Variants in ERBB4 observed in about 807,000 individuals in gnomAD.
The protein encoded by ERBB4 is receptor tyrosine-protein kinase erbB-4.
Under a neutral mutation model 158.0 loss-of-function variants are expected in ERBB4, and 42 were observed. That is an observed-to-expected ratio of 0.27 (90% CI 0.21 to 0.34). The LOEUF is 0.34. ERBB4 is among the 10% of genes least tolerant of loss of function. ERBB4 has a pLI of 1.00. For synonymous variants in ERBB4, 583 were observed against 558.7 expected, an observed-to-expected ratio of 1.04 and a Z score of -0.61; for missense variants, 1,333 against 1,624.1, an observed-to-expected ratio of 0.82 and a Z score of 3.08.
At chr2:211,411,734 G>T (rs1429496635) in intron 25 of ERBB4, among the ~76,000 whole-genome samples, 1 of 152,180 alleles carries the variant, frequency 6.6e-6, no homozygotes, top group Non-Finnish European at 1.5e-5. Context: ...TCAACTGTTA[G>T]TGACAATAGG....
At chr2:211,882,669 G>A (rs61582963) in intron 3 of ERBB4, among the ~76,000 whole-genome samples, 21,577 of 152,084 alleles carry the variant, frequency 0.14, 1,879 homozygotes, top group African/African-American at 0.24. Flanking sequence ...TACTAAAAAT[G>A]TATCATTATT....
chr2:212,402,020 C>T, intron 1 of ERBB4, among the ~76,000 whole-genome samples: 1 of 152,152 alleles, frequency 6.6e-6, no homozygotes, highest in Non-Finnish European at 1.5e-5. Flanking sequence ...GCCATTTATT[C>T]CTCAGTTATG....
At chr2:211,526,943 G>T (rs908222743) in intron 20 of ERBB4, among the ~76,000 whole-genome samples, 2 of 151,996 alleles carry the variant, frequency 1.3e-5, no homozygotes, top group East Asian at 3.9e-4. Context: ...ATGCCTACAA[G>T]ATCTAGAAAA....
chr2:211,949,825 A>G (rs992316089), intron 2 of ERBB4, among the ~76,000 whole-genome samples: 2 of 152,160 alleles, frequency 1.3e-5, no homozygotes, highest in Non-Finnish European at 2.9e-5. Flanking sequence ...TAGCCCCTAC[A>G]CTTTTACCTG....
intron 13 of ERBB4, among the ~76,000 whole-genome samples, chr2:211,678,321 A>AC (rs1481777837): frequency 0.018 from 234 of 13,096 alleles, 1 homozygote; most frequent in African/African-American, 0.043. Flanking sequence ...AAACAAACAA[A>AC]AAAAAAAAAA....
chr2:212,236,094 G>C (rs543480051), intron 1 of ERBB4, among the ~76,000 whole-genome samples: 35 of 152,256 alleles, frequency 2.3e-4, no homozygotes, highest in African/African-American at 7.7e-4. Flanking sequence ...TATGATAGTG[G>C]CTGTGGGTTT....
At chr2:212,097,913 C>T (rs2078975389) in intron 2 of ERBB4, among the ~76,000 whole-genome samples, 1 of 152,126 alleles carries the variant, frequency 6.6e-6, no homozygotes, top group Non-Finnish European at 1.5e-5. Context: ...ATATAGACAA[C>T]ACTTTCTGGG....
chr2:211,679,823 G>T (rs2072260511), intron 12 of ERBB4, among the ~76,000 whole-genome samples: 1 of 152,078 alleles, frequency 6.6e-6, no homozygotes. Flanking sequence ...GGGATTACAG[G>T]CTCACACTAC....
At chr2:212,191,865 T>C (rs933611734) in intron 1 of ERBB4, among the ~76,000 whole-genome samples, 52 of 72,704 alleles carry the variant, frequency 7.2e-4, no homozygotes, top group African/African-American at 2.4e-3. Context: ...GTTCTATATA[T>C]TATATATAAT....
At chr2:212,226,309 C>A (rs749202114) in intron 1 of ERBB4, among the ~76,000 whole-genome samples, 2 of 151,956 alleles carry the variant, frequency 1.3e-5, no homozygotes, top group Non-Finnish European at 2.9e-5. Flanking sequence ...GAACTCAGCA[C>A]TGGCTGATAT....
rs1409216342 is a variant in ERBB4 at position 211,382,072 on chromosome 2, A to T, written c.*1543T>A. On this transcript the variant is annotated 3_prime_UTR_variant, in exon 28 of 28. Transcript: ENST00000342788. ...AAGTATCAAAAGATTAGTGTGTTGG[A>T]TAATAAAATAATTGCATGAGAAGAT... 3 of 229,506 alleles carry T rather than the reference A, an allele frequency of 1.3e-5. No homozygotes were observed. The highest frequency in any genetic ancestry group is 2.2e-5 in the African/African-American group (1 of 45,154). 14.2% of individuals were successfully genotyped at this position (229,506 alleles called of 1,614,324 possible).
chr2:212,177,785 A>G (rs903429514), intron 1 of ERBB4, among the ~76,000 whole-genome samples: 4 of 151,966 alleles, frequency 2.6e-5, no homozygotes, highest in African/African-American at 9.7e-5. Flanking sequence ...TAGTTACACT[A>G]ATGAAGTTTA....
At chr2:211,836,591 T>C (rs2077348171) in intron 3 of ERBB4, among the ~76,000 whole-genome samples, 1 of 151,996 alleles carries the variant, frequency 6.6e-6, no homozygotes, top group Admixed American at 6.6e-5. Flanking sequence ...AACCACATTG[T>C]TTGCACAACA....
intron 20 of ERBB4, among the ~76,000 whole-genome samples, chr2:211,435,714 G>A (rs908440700): frequency 6.6e-6 from 1 of 152,174 alleles, no homozygotes; most frequent in African/African-American, 2.4e-5. Context: ...AATGCCTGAT[G>A]GTTTGAGGTA....
At chr2:211,633,545 C>T (rs1574896373) in intron 16 of ERBB4, among the ~76,000 whole-genome samples, 1 of 119,650 alleles carries the variant, frequency 8.4e-6, no homozygotes, top group South Asian at 2.7e-4. Context: ...TAAACAAGAA[C>T]ACAAAGTAAA....
intron 1 of ERBB4, among the ~76,000 whole-genome samples, chr2:212,396,500 A>G (rs2091029379): frequency 6.6e-6 from 1 of 152,164 alleles, no homozygotes; most frequent in Non-Finnish European, 1.5e-5. Context: ...TACCTATGAT[A>G]TAGAATTACT....
chr2:212,039,972 G>A (rs1429918053), intron 2 of ERBB4, among the ~76,000 whole-genome samples: 1 of 151,290 alleles, frequency 6.6e-6, no homozygotes, highest in East Asian at 1.9e-4. Context: ...ATATTTATGT[G>A]GAAACTACAT....
intron 27 of ERBB4, among the ~76,000 whole-genome samples, chr2:211,385,515 T>C (rs554838411): frequency 6.6e-6 from 1 of 152,150 alleles, no homozygotes; most frequent in African/African-American, 2.4e-5. Context: ...GACAAGTGTA[T>C]GAAAACATTT....
At chr2:211,474,189 C>A (rs914942315) in intron 20 of ERBB4, among the ~76,000 whole-genome samples, 4 of 151,776 alleles carry the variant, frequency 2.6e-5, no homozygotes, top group African/African-American at 7.3e-5. Flanking sequence ...ACAAGAGGGG[C>A]CAATTTAGTT....
Sources: gnomAD v4.1 joint callset for allele counts (sites outside exome capture counted in the v4.1 genomes callset) on GRCh38, gnomAD v4.1.1 for gene constraint, MANE v1.5 for transcripts, NCBI Gene and HGNC (gene_info 2026-07-23, HGNC 2026-07-21) for gene names.